The following TSPAN7 variants were observed in gnomAD, a reference collection of about 807,000 sequenced individuals.
TSPAN7 encodes tetraspanin 7.
TSPAN7 carries 1 observed loss-of-function variant against 17.6 expected under a neutral mutation model. That is an observed-to-expected ratio of 0.06 (90% CI 0.02 to 0.27). The LOEUF is 0.27. TSPAN7 is among the 10% of genes least tolerant of loss of function. TSPAN7 has a pLI of 1.00. For synonymous variants in TSPAN7, 78 were observed against 79.0 expected (o/e 0.99, Z 0.07); for missense variants, 112 against 201.7 (o/e 0.56, Z 2.69).
intron 6 of TSPAN7, 141 bp from the exon 7 acceptor site, chrX:38,687,458 G>A (rs993075977): frequency 2.1e-6 from 1 of 486,258 alleles, no homozygotes; most frequent in Non-Finnish European, 3.4e-6. Context: ...GAAACACTTG[G>A]TTGTTAAAAA....
intron 5 of TSPAN7, among the ~76,000 whole-genome samples, chrX:38,677,794 A>G (rs1176789266): frequency 8.9e-6 from 1 of 112,483 alleles, no homozygotes; most frequent in Non-Finnish European, 1.9e-5. Flanking sequence ...ACTTTTCCTG[A>G]CTCAATGTCA....
At chrX:38,640,002 C>G (rs2069603554) in intron 1 of TSPAN7, among the ~76,000 whole-genome samples, 1 of 111,471 alleles carries the variant, frequency 9.0e-6, no homozygotes, top group Non-Finnish European at 1.9e-5. Context: ...AAAATATATA[C>G]CCAAGTAAAA....
intron 6 of TSPAN7, among the ~76,000 whole-genome samples, chrX:38,685,450 T>A (rs2069921910): frequency 9.0e-6 from 1 of 111,089 alleles, no homozygotes; most frequent in East Asian, 2.8e-4. Flanking sequence ...CAAAACCCCA[T>A]CTCTACTAAA....
intron 1 of TSPAN7, among the ~76,000 whole-genome samples, chrX:38,597,950 G>T (rs1166662924): frequency 1.8e-5 from 2 of 111,520 alleles, no homozygotes; most frequent in African/African-American, 3.3e-5. Flanking sequence ...TTCCAGAGAG[G>T]CTTTTCTCTT....
chrX:38,650,608 T>G (rs1207955431), intron 1 of TSPAN7, among the ~76,000 whole-genome samples: 1 of 112,462 alleles, frequency 8.9e-6, no homozygotes, highest in African/African-American at 3.2e-5. Context: ...GAGTGGTCAC[T>G]GGGCCAGTCA....
chrX:38,683,451 A>G (rs966083501), intron 6 of TSPAN7, among the ~76,000 whole-genome samples: 1 of 112,611 alleles, frequency 8.9e-6, no homozygotes, highest in Admixed American at 9.3e-5. Context: ...AGGAACCCCA[A>G]CTCTGAAACT....
intron 1 of TSPAN7, among the ~76,000 whole-genome samples, chrX:38,614,350 G>A (rs1409721913): frequency 8.9e-6 from 1 of 111,924 alleles, no homozygotes; most frequent in Admixed American, 9.5e-5. Flanking sequence ...ATTATCCTTA[G>A]TTTACAAAAG....
At chrX:38,670,577 G>A (rs1241867171) in intron 2 of TSPAN7, among the ~76,000 whole-genome samples, 2 of 112,659 alleles carry the variant, frequency 1.8e-5, no homozygotes, top group African/African-American at 3.2e-5. Context: ...GAAAGCTGCA[G>A]TGGCTACTGT....
chrX:38,619,524 CACA>C (rs1177067499), intron 1 of TSPAN7, among the ~76,000 whole-genome samples: 4 of 111,684 alleles, frequency 3.6e-5, no homozygotes, highest in African/African-American at 1.3e-4. Context: ...TTATTTTAAT[CACA>C]GAAGCCTTAA....
At chrX:38,572,709 C>T (rs2069175358) in intron 1 of TSPAN7, among the ~76,000 whole-genome samples, 2 of 111,182 alleles carry the variant, frequency 1.8e-5, no homozygotes, top group Non-Finnish European at 3.8e-5. Context: ...AGGTAGACCC[C>T]TTTGGGGTTG....
intron 1 of TSPAN7, among the ~76,000 whole-genome samples, chrX:38,599,096 C>T (rs770313692): frequency 9.0e-6 from 1 of 111,145 alleles, no homozygotes; most frequent in Non-Finnish European, 1.9e-5. Flanking sequence ...AGTAAGTCAC[C>T]CAGGATTGCA....
intron 1 of TSPAN7, among the ~76,000 whole-genome samples, chrX:38,639,370 C>A (rs1018238314): frequency 5.6e-5 from 6 of 107,940 alleles, no homozygotes; most frequent in South Asian, 4.3e-4. Context: ...TTCCACTGAG[C>A]GTAGCACACA....
chrX:38,687,964 A>G lies in TSPAN7; in HGVS notation c.*33A>G, dbSNP rs2069935400. 1 of 234,545 alleles carries G rather than the reference A, an allele frequency of 4.3e-6. No homozygotes were observed. Among genetic ancestry groups the G allele is most frequent in the Admixed American group, 6.3e-5 (1 of 15,896 alleles). 19.3% of individuals were successfully genotyped at this position (234,545 alleles called of 1,213,427 possible). A position where few individuals can be genotyped will look rare whatever the true frequency, so the allele number is the denominator to read the frequency against. On this transcript the variant is annotated 3_prime_UTR_variant, in exon 8 of 8. Coordinates refer to ENST00000378482, the MANE Select transcript of TSPAN7 (RefSeq NM_004615.4). ...TCTTTCAAGAATGACGGAATAAGAG[A>G]CCTGTTTTAAAAAGGAACTGCAGCA...
At chrX:38,569,210 T>C (rs1279259336) in intron 1 of TSPAN7, among the ~76,000 whole-genome samples, 1 of 111,371 alleles carries the variant, frequency 9.0e-6, no homozygotes, top group Non-Finnish European at 1.9e-5. Flanking sequence ...GGCTGGGCAG[T>C]TGAGTTTTAG....
At chrX:38,663,164 C>T (rs1326327141) in intron 1 of TSPAN7, among the ~76,000 whole-genome samples, 1 of 107,310 alleles carries the variant, frequency 9.3e-6, no homozygotes, top group Non-Finnish European at 1.9e-5. Flanking sequence ...CACACACACA[C>T]ACACACACAC....
rs777364070 is a variant in TSPAN7, at chrX:38,568,342, G to GA, written c.81+6721dup. Among the ~76,000 whole-genome samples the GA allele has an allele frequency of 2.8e-4, 30 of 107,852 alleles. No homozygotes were observed. In the East Asian group the frequency reaches 8.1e-3, roughly 29 times the overall value. The allele number at this position is 107,852 out of a possible 115,157, so 93.7% of individuals were successfully genotyped here. ...GTAGAGCAAGTTTAATAATTTTCTG[G>GA]AAAAAATGATGTATTGGGGGTTAAT... On this transcript the variant is annotated intron_variant, in intron 1 of 7. Transcript: ENST00000378482.
intron 1 of TSPAN7, among the ~76,000 whole-genome samples, chrX:38,648,621 T>A (rs1428554196): frequency 9.0e-6 from 1 of 111,590 alleles, no homozygotes; most frequent in Non-Finnish European, 1.9e-5. Context: ...GCTAATTTTT[T>A]AAATTTTTGT....
chrX:38,612,578 A>G (rs1183938616), intron 1 of TSPAN7: 1 of 111,766 alleles, frequency 8.9e-6, no homozygotes, highest in Non-Finnish European at 1.9e-5. Flanking sequence ...CTCCTGAGTC[A>G]GAGCTTCTTT....
At chrX:38,635,665 C>A (rs760727254) in intron 1 of TSPAN7, among the ~76,000 whole-genome samples, 3 of 112,270 alleles carry the variant, frequency 2.7e-5, no homozygotes, top group Admixed American at 1.9e-4. Context: ...TTACTATATG[C>A]CCCATGCTAT....
Sources: allele counts gnomAD v4.1 joint callset (sites outside exome capture counted in the v4.1 genomes callset), GRCh38; gene constraint gnomAD v4.1.1; transcripts MANE v1.5; gene names NCBI Gene and HGNC (gene_info 2026-07-23, HGNC 2026-07-21).